PTPN9: variants seen among roughly 807,000 people sequenced by gnomAD.
PTPN9 encodes the protein protein tyrosine phosphatase non-receptor type 9.
In PTPN9, 26 loss-of-function variants were observed where a neutral mutation model predicts 69.8. The ratio of observed to expected loss-of-function variants is 0.37; its 90% CI spans 0.27 to 0.52. The LOEUF is 0.52. Ranked by LOEUF, PTPN9 falls within the 20% of genes least tolerant of loss-of-function variation. PTPN9 has a pLI of 0.91. For synonymous variants in PTPN9, 274 were observed against 272.5 expected (o/e 1.01, Z -0.05); for missense variants, 549 against 740.3 (o/e 0.74, Z 3.00).
intron 7 of PTPN9, among the ~76,000 whole-genome samples, chr15:75,504,165 G>C (rs1334230017): frequency 7.7e-6 from 1 of 129,656 alleles, no homozygotes; most frequent in East Asian, 2.5e-4. Flanking sequence ...CGCCCCGTCC[G>C]GGAGGGAGGT....
At chr15:75,576,437 C>T (rs1461169469) in intron 1 of PTPN9, among the ~76,000 whole-genome samples, 7 of 151,802 alleles carry the variant, frequency 4.6e-5, no homozygotes, top group Non-Finnish European at 1.0e-4. Context: ...GAGGCTGAGG[C>T]AGGAGAATCG....
intron 1 of PTPN9, among the ~76,000 whole-genome samples, chr15:75,561,493 T>C (rs2075103807): frequency 6.6e-6 from 1 of 151,988 alleles, no homozygotes; most frequent in Non-Finnish European, 1.5e-5. Context: ...GTCCCAGATA[T>C]TGATAGGCAA....
chr15:75,543,944 G>A (rs2075020467), intron 1 of PTPN9, among the ~76,000 whole-genome samples: 1 of 152,234 alleles, frequency 6.6e-6, no homozygotes, highest in South Asian at 2.1e-4. Context: ...AGCCTTAGAT[G>A]GGGATGCTTC....
intron 10 of PTPN9, among the ~76,000 whole-genome samples, chr15:75,471,415 G>A (rs2074564205): frequency 6.6e-6 from 1 of 152,046 alleles, no homozygotes; most frequent in South Asian, 2.1e-4. Flanking sequence ...TCCCAGCCCA[G>A]GCAACATGGA....
At chr15:75,574,371 T>G (rs556337863) in intron 1 of PTPN9, among the ~76,000 whole-genome samples, 21 of 151,552 alleles carry the variant, frequency 1.4e-4, no homozygotes, top group Non-Finnish European at 2.8e-4. Flanking sequence ...GAGGGGAAGA[T>G]GAAATCAGAT....
chr15:75,478,473 T>A (rs1299542299), intron 9 of PTPN9, among the ~76,000 whole-genome samples: 2 of 152,136 alleles, frequency 1.3e-5, no homozygotes, highest in Non-Finnish European at 2.9e-5. Flanking sequence ...TGGCACGATC[T>A]CGGCTCAGAG....
intron 5 of PTPN9, among the ~76,000 whole-genome samples, chr15:75,510,507 G>C (rs549622037): frequency 2.6e-4 from 39 of 152,264 alleles, no homozygotes; most frequent in African/African-American, 9.1e-4. Context: ...AGAGTGCTGG[G>C]ATTATAGGCA....
At chr15:75,539,913 C>T (rs960784049) in intron 1 of PTPN9, among the ~76,000 whole-genome samples, 8 of 152,116 alleles carry the variant, frequency 5.3e-5, no homozygotes, top group Admixed American at 2.0e-4. Flanking sequence ...TCAAGTAATC[C>T]GCCTCAAGCA....
At chr15:75,538,761 T>A (rs2074996128) in intron 1 of PTPN9, among the ~76,000 whole-genome samples, 1 of 151,880 alleles carries the variant, frequency 6.6e-6, no homozygotes, top group Admixed American at 6.6e-5. Context: ...ATACAGTATA[T>A]GAAACAAGTA....
At chr15:75,505,482 GA>G (rs896104350) in intron 7 of PTPN9, among the ~76,000 whole-genome samples, 192 bp downstream of exon 7, 176 of 141,150 alleles carry the variant, frequency 1.2e-3, no homozygotes, top group East Asian at 0.012. Context: ...AAAAAAAAAA[GA>G]AAAAAAAAAA....
At chr15:75,572,674 T>C (rs932639155) in intron 1 of PTPN9, among the ~76,000 whole-genome samples, 1 of 150,760 alleles carries the variant, frequency 6.6e-6, no homozygotes, top group African/African-American at 2.4e-5. Flanking sequence ...GAGACTGCGC[T>C]CCAGCCTGGG....
chr15:75,503,374 G>A (rs1396207301), intron 7 of PTPN9, among the ~76,000 whole-genome samples: 9 of 144,294 alleles, frequency 6.2e-5, no homozygotes, highest in Non-Finnish European at 1.1e-4. Flanking sequence ...CGCCCCGTCT[G>A]AGAAGTGAGG....
chr15:75,561,892 G>A (rs1355801924), intron 1 of PTPN9, among the ~76,000 whole-genome samples: 1 of 152,084 alleles, frequency 6.6e-6, no homozygotes, highest in East Asian at 1.9e-4. Context: ...TATGTTTAGT[G>A]AGATGGGGTT....
At chr15:75,485,721 C>T (rs911304375) in intron 8 of PTPN9, among the ~76,000 whole-genome samples, 1 of 151,372 alleles carries the variant, frequency 6.6e-6, no homozygotes, top group South Asian at 2.1e-4. Flanking sequence ...TAAGAATTAC[C>T]AGCTTTAGCA....
chr15:75,477,907 C>T lies in PTPN9; in HGVS notation c.1129+1941G>A, dbSNP rs575935643. 2.8e-5 allele frequency among the ~76,000 whole-genome samples: 4 copies of T among 143,008 alleles called. No homozygotes were observed. In the South Asian group the frequency reaches 6.6e-4, roughly 24 times the overall value. 93.8% of individuals were successfully genotyped at this position (143,008 alleles called of 152,430 possible). On this transcript the variant is annotated intron_variant, in intron 9 of 12. Transcript: ENST00000618819. ...CCAGGCTGGAGTGCAATGGCGCAGT[C>T]GCAGTCCACTGCAACCTCTGCCTCC... is the stretch of plus-strand genomic sequence containing the variant.
intron 7 of PTPN9, among the ~76,000 whole-genome samples, chr15:75,503,804 T>TG (rs1380054063): frequency 3.3e-5 from 2 of 60,100 alleles, no homozygotes; most frequent in African/African-American, 6.2e-5. Flanking sequence ...GGGAGGGAGG[T>TG]GGGGGGGTCA....
rs12904319 is a variant in PTPN9 at position 75,524,308 on chromosome 15, A to C, written c.208-10T>G. On this transcript the variant is annotated splice_polypyrimidine_tract_variant and intron_variant, in intron 2 of 12. Transcript: ENST00000618819. ...CCTTCCTTCGAGTTTCCTAAAAAGG[A>C]AGCACAGCAAAATGTATTAATATGA... The C allele has an allele frequency of 0.12, 191,117 of 1,564,820 alleles. 13,220 individuals are homozygous for C. The highest frequency in any genetic ancestry group is 0.32 in the East Asian group (14,048 of 44,528).
chr15:75,546,476 TAC>T (rs2075033528), intron 1 of PTPN9, among the ~76,000 whole-genome samples: 1 of 151,980 alleles, frequency 6.6e-6, no homozygotes, highest in Non-Finnish European at 1.5e-5. Context: ...ACCCCATCTC[TAC>T]TAAAAGCATA....
intron 1 of PTPN9, among the ~76,000 whole-genome samples, chr15:75,551,656 C>T (rs1429900391): frequency 2.6e-5 from 4 of 152,158 alleles, no homozygotes; most frequent in Non-Finnish European, 5.9e-5. Flanking sequence ...GAGCACATTA[C>T]AGAGGCGTAG....
Sources: allele counts gnomAD v4.1 joint callset (sites outside exome capture counted in the v4.1 genomes callset), GRCh38; gene constraint gnomAD v4.1.1; transcripts MANE v1.5; gene names NCBI Gene and HGNC (gene_info 2026-07-23, HGNC 2026-07-21).